The following CYP2A7 variants were observed in gnomAD, a reference collection of about 807,000 sequenced individuals.
The protein encoded by CYP2A7 is cytochrome P450 family 2 subfamily A member 7.
Under a neutral mutation model 42.0 loss-of-function variants are expected in CYP2A7, and 36 were observed. The observed-to-expected ratio is 0.86, with a 90% CI of 0.66 to 1.13. CYP2A7 has a LOEUF of 1.13. Ranked by LOEUF, CYP2A7 falls within the 50% of genes most tolerant of loss-of-function variation. The probability of loss-of-function intolerance (pLI) is 0.00; values close to 1 mark genes in which losing one functional copy is unlikely to be tolerated. For missense variants in CYP2A7, 661 were observed against 634.1 expected (o/e 1.04, Z -0.46); for synonymous variants, 260 against 249.5 (o/e 1.04, Z -0.40).
chr19:40,880,717 C>T (rs61482096), intron 2 of CYP2A7, 89 bp from the exon 3 acceptor site: 264,892 of 627,594 alleles, frequency 0.42, 75,261 homozygotes, highest in Admixed American at 0.54. Context: ...AAGGGTGGAG[C>T]AGAGGGGTAG....
chr19:40,879,050 C>T (rs1568526585), intron 4 of CYP2A7, 114 bp from the exon 5 acceptor site: 5 of 1,454,052 alleles, frequency 3.4e-6, no homozygotes, highest in Non-Finnish European at 3.7e-6. Flanking sequence ...GCATCTGTCT[C>T]ATTGTTTAGG....
chr19:40,879,849 G>A (rs1967613403), intron 4 of CYP2A7, among the ~76,000 whole-genome samples: 1 of 150,444 alleles, frequency 6.6e-6, no homozygotes, highest in African/African-American at 2.4e-5. Flanking sequence ...TGAGAGAGCT[G>A]AGCTGAGGGT....
chr19:40,877,387 G>A lies in CYP2A7; in HGVS notation c.974-10C>T. 1 of 1,610,846 alleles carries A rather than the reference G, an allele frequency of 6.2e-7. No homozygotes were observed. ...TCCTCATGGACCTTGGCTGGGGGAG[G>A]AGGGGGAATGTGTTTAGGTATCTGG... is the stretch of plus-strand genomic sequence containing the variant. On this transcript the variant is annotated splice_polypyrimidine_tract_variant and intron_variant, in intron 6 of 8. Coordinates refer to ENST00000301146, the MANE Select transcript of CYP2A7 (RefSeq NM_000764.3).
intron 7 of CYP2A7, 88 bp downstream of exon 7, chr19:40,877,102 A>G (rs1599791078): frequency 6.9e-7 from 1 of 1,448,084 alleles, no homozygotes; most frequent in East Asian, 2.3e-5. Context: ...TGGGACAGTG[A>G]GTAGAAAGCT....
rs1158141036 is a variant in CYP2A7 at position 40,875,838 on chromosome 19, A to G, written c.1340T>C (p.Met447Thr). 3.2e-6 allele frequency: 5 copies of G among 1,583,404 alleles called. No homozygotes were observed. Among genetic ancestry groups the G allele is most frequent in the Admixed American group, 1.8e-5 (1 of 57,082 alleles). Residue 447 changes from methionine (M) to threonine (T), a missense_variant, in exon 9 of 9, where the codon ATG becomes ACG. By Grantham distance (81) the Met-to-Thr change is moderately conservative. Coordinates refer to ENST00000301146, the MANE Select transcript of CYP2A7 (RefSeq NM_000764.3). Reference protein sequence around the residue: ...RNCFGEGLARMELFLFFTTVM... With the variant: ...RNCFGEGLARTELFLFFTTVM... ...GGTGGTGAAGAAGAGAAAGAGCTCC[A>G]TTCTGGCCAGGCCTTCTCCGAAACA...
intron 7 of CYP2A7, 122 bp downstream of exon 7, chr19:40,877,068 G>A: frequency 8.9e-7 from 1 of 1,127,842 alleles, no homozygotes; most frequent in Non-Finnish European, 1.3e-6. Flanking sequence ...GGTTGGGGAA[G>A]TCCTTTTTGA....
chr19:40,881,816 A>C, intron 1 of CYP2A7, 65 bp from the exon 2 acceptor site: 1 of 1,593,188 alleles, frequency 6.3e-7, no homozygotes, highest in Non-Finnish European at 8.6e-7. Context: ...CCCAGCACCG[A>C]GATGTCAAGT....
intron 2 of CYP2A7, among the ~76,000 whole-genome samples, 188 bp downstream of exon 2, chr19:40,881,401 C>A (rs10424691): frequency 6.7e-6 from 1 of 150,174 alleles, no homozygotes; most frequent in African/African-American, 2.4e-5. Flanking sequence ...GGAGGAATCA[C>A]GACAGGGACG....
chr19:40,878,967 A>G, intron 4 of CYP2A7, 31 bp from the exon 5 acceptor site: 2 of 1,592,222 alleles, frequency 1.3e-6, no homozygotes, highest in East Asian at 4.5e-5. Context: ...TGGGAAGGGA[A>G]GGACAGCTGT....
chr19:40,880,849 GAGAGAGAGA>G, intron 2 of CYP2A7, among the ~76,000 whole-genome samples: 1 of 102,236 alleles, frequency 9.8e-6, no homozygotes, highest in East Asian at 2.9e-4. Context: ...GAGAGAGAGA[GAGAGAGAGA>G]GAGACCGGGT....
Position 40,882,202 on chromosome 19 carries a change from G to A in CYP2A7, c.9C>T (p.Ala3=), listed in dbSNP as rs144056334. The A allele has an allele frequency of 6.2e-6, 10 of 1,613,782 alleles. No individual in the cohort carries two copies. The highest frequency in any genetic ancestry group is 8.5e-6 in the Non-Finnish European group (10 of 1,179,728). Residue 3 remains alanine, a synonymous_variant, in exon 1 of 9, where the codon GCC becomes GCT. Coordinates refer to ENST00000301146, the MANE Select transcript of CYP2A7 (RefSeq NM_000764.3). ML[A]SGLLLVALLA... The stretch of plus-strand genomic sequence containing the variant: ...GCAAGGCCACCAGAAGCAGCCCTGA[G>A]GCCAGCATGGTGGTAGTGAGATGAC...
intron 2 of CYP2A7, 39 bp downstream of exon 2, chr19:40,881,550 T>C (rs1967687996): frequency 6.2e-7 from 1 of 1,609,668 alleles, no homozygotes; most frequent in Non-Finnish European, 8.5e-7. Flanking sequence ...GACCATCGTG[T>C]CCGCCTGGCC....
rs771393846 is a variant in CYP2A7 at position 40,877,993 on chromosome 19, C to T, written c.832G>A (p.Glu278Lys). ...IDSFLIHMQEEEKNPNTEFYL... is the reference protein window; with the variant it reads ...IDSFLIHMQEKEKNPNTEFYL... ...AACTCCGTGTTGGGGTTCTTCTCCTCCTGCAGGGAGAGGGGGCTTTAGGCC... is the reference window on the plus strand; with the variant it reads ...AACTCCGTGTTGGGGTTCTTCTCCTTCTGCAGGGAGAGGGGGCTTTAGGCC... The change falls in exon 6 of 9, where the codon GAG becomes AAG. Residue 278 changes from glutamate to lysine, a missense_variant and splice_region_variant. Transcript: ENST00000301146. 3.1e-6 allele frequency: 5 copies of T among 1,610,378 alleles called. No individual in the cohort carries two copies. The highest frequency in any genetic ancestry group is 1.7e-4 in the Middle Eastern group (1 of 6,040).
Position 40,877,746 on chromosome 19 carries a change from G to A in CYP2A7, c.973+106C>T, listed in dbSNP as rs141484764. 5.4e-4 allele frequency: 799 copies of A among 1,468,374 alleles called. 9 individuals are homozygous for A. In the East Asian group the frequency reaches 0.016, roughly 30 times the overall value. The allele number at this position is 1,468,374 out of a possible 1,614,324, so 91.0% of individuals were successfully genotyped here. A position where few individuals can be genotyped will look rare whatever the true frequency, so the allele number is the denominator to read the frequency against. Reference sequence around the variant, plus strand: ...TGTTGCCCTGTCTCTGGACAGCAAGGCACGTCTCAGGGTCCTGGGATCTGG... The same window carrying A: ...TGTTGCCCTGTCTCTGGACAGCAAGACACGTCTCAGGGTCCTGGGATCTGG... On this transcript the variant is annotated intron_variant, in intron 6 of 8. Transcript: ENST00000301146.
At chr19:40,878,588 G>A (rs1348935689) in intron 5 of CYP2A7, among the ~76,000 whole-genome samples, 172 bp downstream of exon 5, 1 of 151,782 alleles carries the variant, frequency 6.6e-6, no homozygotes, top group Admixed American at 6.6e-5. Flanking sequence ...ACCTGCCTCG[G>A]CCTCCCAAAG....
intron 2 of CYP2A7, 56 bp from the exon 3 acceptor site, chr19:40,880,684 G>C (rs1330764010): frequency 6.4e-7 from 1 of 1,561,600 alleles, no homozygotes; most frequent in Non-Finnish European, 8.7e-7. Flanking sequence ...TGGCAGGAGC[G>C]GACCAGTTCC....
Position 40,880,393 on chromosome 19 carries a change from T to G in CYP2A7, c.493+86A>C, listed in dbSNP as rs1243093578. ...AGTGCGGGCGCCTTTCCCCACCTAG[T>G]CCCCATCCGCAGGCAGAACGCGCGC... On this transcript the variant is annotated intron_variant, in intron 3 of 8. Coordinates refer to ENST00000301146, the MANE Select transcript of CYP2A7 (RefSeq NM_000764.3). The G allele has an allele frequency of 2.0e-5, 31 of 1,564,990 alleles. No homozygotes were observed. In the African/African-American group the frequency reaches 3.9e-4, roughly 20 times the overall value.
At position 40,877,453 on chromosome 19, in the gene CYP2A7, G is replaced by A. The variant is rs1568525559; in HGVS notation, c.974-76C>T. ...AAATGATAGTCTGAATAGGTAAAAC[G>A]GGGTGGATGATACGGCTCCCCCTAT... On this transcript the variant is annotated intron_variant, in intron 6 of 8. Transcript: ENST00000301146. The A allele has an allele frequency of 1.1e-5, 18 of 1,572,452 alleles. No homozygotes were observed. In the East Asian group the frequency reaches 1.8e-4, roughly 16 times the overall value.
At position 40,880,629 on chromosome 19, in the gene CYP2A7, C is replaced by A. The variant is rs781245729; in HGVS notation, c.344-1G>T. The stretch of plus-strand genomic sequence containing the variant: ...CGCTCCCCGTTGCTGAACGCCACGC[C>A]TGGGGAGGTCAAGGCGGGGGTGGAG... On this transcript the variant is annotated splice_acceptor_variant, in intron 2 of 8. Coordinates refer to ENST00000301146, the MANE Select transcript of CYP2A7 (RefSeq NM_000764.3). LOFTEE classifies it high-confidence loss of function. 2 of 1,586,654 alleles carry A rather than the reference C, an allele frequency of 1.3e-6. 1 individual carries two copies. The highest frequency in any genetic ancestry group is 2.3e-5 in the South Asian group (2 of 88,662).
Sources: gnomAD v4.1 joint callset for allele counts (sites outside exome capture counted in the v4.1 genomes callset) on GRCh38, gnomAD v4.1.1 for gene constraint, MANE v1.5 for transcripts, NCBI Gene and HGNC (gene_info 2026-07-23, HGNC 2026-07-21) for gene names.